LARS2: variants seen among roughly 807,000 people sequenced by gnomAD.
LARS2 encodes the protein leucine--tRNA ligase, mitochondrial.
In LARS2, 81 loss-of-function variants were observed where a neutral mutation model predicts 116.6. That is an observed-to-expected ratio of 0.69 (90% CI 0.58 to 0.84). The LOEUF (loss-of-function observed/expected upper bound fraction) is 0.84, where lower values mean the gene tolerates loss of function less well. LARS2 is among the 40% of genes least tolerant of loss of function. The pLI is 0.00. For missense variants in LARS2, 968 were observed against 1,114.5 expected, an observed-to-expected ratio of 0.87 and a Z score of 1.87; for synonymous variants, 396 against 407.2, an observed-to-expected ratio of 0.97 and a Z score of 0.33.
intron 15 of LARS2, among the ~76,000 whole-genome samples, chr3:45,512,061 C>T (rs537950928): frequency 3.9e-5 from 6 of 152,238 alleles, no homozygotes; most frequent in Admixed American, 3.9e-4. Flanking sequence ...AAGCGTGAGC[C>T]ACCGCGCCTG....
chr3:45,511,903 G>C (rs574794149), intron 15 of LARS2, among the ~76,000 whole-genome samples: 3 of 148,548 alleles, frequency 2.0e-5, no homozygotes, highest in Non-Finnish European at 4.4e-5. Flanking sequence ...AGCCTCCCAA[G>C]CAGCGGGGAC....
At chr3:45,453,414 G>A (rs887299810) in intron 7 of LARS2, among the ~76,000 whole-genome samples, 34 of 152,192 alleles carry the variant, frequency 2.2e-4, no homozygotes, top group African/African-American at 8.0e-4. Flanking sequence ...GAATGAGGGC[G>A]AGTCCCCTAA....
intron 6 of LARS2, among the ~76,000 whole-genome samples, chr3:45,438,001 G>T (rs1317356808): frequency 6.6e-6 from 1 of 152,128 alleles, no homozygotes; most frequent in Non-Finnish European, 1.5e-5. Context: ...AGGTTAAGGG[G>T]AGAGCAGGAG....
intron 4 of LARS2, among the ~76,000 whole-genome samples, chr3:45,413,631 T>G (rs1345008237): frequency 1.3e-5 from 2 of 152,152 alleles, no homozygotes; most frequent in Non-Finnish European, 2.9e-5. Flanking sequence ...GCCAAAGGAG[T>G]AAGAGCAGCT....
At chr3:45,469,435 T>C (rs1699484359) in intron 8 of LARS2, among the ~76,000 whole-genome samples, 1 of 152,082 alleles carries the variant, frequency 6.6e-6, no homozygotes, top group South Asian at 2.1e-4. Context: ...AACCTCCGCC[T>C]CCTGGGTTCA....
At chr3:45,450,410 C>T (rs1385646083) in intron 7 of LARS2, among the ~76,000 whole-genome samples, 1 of 152,072 alleles carries the variant, frequency 6.6e-6, no homozygotes, top group African/African-American at 2.4e-5. Context: ...CCTTCCTTTC[C>T]CAGCCCCAGC....
chr3:45,403,051 G>A (rs1233599932), intron 4 of LARS2, among the ~76,000 whole-genome samples: 1 of 137,376 alleles, frequency 7.3e-6, no homozygotes, highest in African/African-American at 2.7e-5. Context: ...GTTGCAGTGA[G>A]CCAAGATCAT....
chr3:45,474,228 CT>C lies in LARS2; in HGVS notation c.751-12del. 1 of 1,546,500 alleles carries C rather than the reference CT, an allele frequency of 6.5e-7. No homozygotes were observed. The highest frequency in any genetic ancestry group is 8.9e-7 in the Non-Finnish European group (1 of 1,126,102). Reference sequence around the variant, plus strand: ...CTTGTGCCTCTACTTCTTTGTTCTCCTTTCATTTGCACAGGCCATGCAGGAC... The same window carrying C: ...CTTGTGCCTCTACTTCTTTGTTCTCCTTCATTTGCACAGGCCATGCAGGAC... On this transcript the variant is annotated splice_polypyrimidine_tract_variant and intron_variant, in intron 8 of 21. Coordinates refer to ENST00000645846, the MANE Select transcript of LARS2 (RefSeq NM_015340.4).
At chr3:45,497,278 G>A (rs766895596) in intron 14 of LARS2, among the ~76,000 whole-genome samples, 25 of 152,032 alleles carry the variant, frequency 1.6e-4, no homozygotes, top group Admixed American at 5.9e-4. Context: ...CTGTATTCAT[G>A]TGTTTATTTG....
intron 10 of LARS2, among the ~76,000 whole-genome samples, chr3:45,483,101 C>T (rs1455911535): frequency 6.6e-6 from 1 of 152,206 alleles, no homozygotes; most frequent in African/African-American, 2.4e-5. Context: ...ACTCAACATT[C>T]TATTGCTGAG....
intron 4 of LARS2, among the ~76,000 whole-genome samples, chr3:45,414,971 C>G (rs1698390707): frequency 6.6e-6 from 1 of 152,178 alleles, no homozygotes; most frequent in African/African-American, 2.4e-5. Context: ...TCTTTCCTGA[C>G]AGGGGCAGGG....
intron 10 of LARS2, among the ~76,000 whole-genome samples, chr3:45,482,257 A>G (rs764209205): frequency 6.6e-6 from 1 of 152,254 alleles, no homozygotes; most frequent in South Asian, 2.1e-4. Flanking sequence ...AGTCTTTCCC[A>G]TCATGTTGAA....
intron 3 of LARS2, among the ~76,000 whole-genome samples, chr3:45,398,576 A>C (rs1487540453): frequency 1.3e-5 from 2 of 152,212 alleles, no homozygotes; most frequent in Non-Finnish European, 2.9e-5. Context: ...ACGAAACAGA[A>C]TCAGTTACCC....
intron 8 of LARS2, among the ~76,000 whole-genome samples, chr3:45,463,622 T>C (rs1699371317): frequency 6.6e-6 from 1 of 152,076 alleles, no homozygotes; most frequent in Non-Finnish European, 1.5e-5. Flanking sequence ...TCTGAGCAGC[T>C]GAGCTGTTAA....
chr3:45,392,677 A>G (rs539405182), intron 2 of LARS2, among the ~76,000 whole-genome samples: 2 of 152,202 alleles, frequency 1.3e-5, no homozygotes, highest in Admixed American at 6.5e-5. Context: ...AGAACTGATA[A>G]TGTCAATGAC....
intron 6 of LARS2, among the ~76,000 whole-genome samples, chr3:45,430,138 AT>A (rs1394618706): frequency 2.1e-5 from 3 of 145,304 alleles, no homozygotes; most frequent in Non-Finnish European, 3.0e-5. Flanking sequence ...CGCCTGGCCA[AT>A]TTTTTTTGTA....
intron 6 of LARS2, among the ~76,000 whole-genome samples, chr3:45,427,366 C>A (rs1200498192): frequency 1.3e-5 from 2 of 152,162 alleles, no homozygotes; most frequent in Non-Finnish European, 2.9e-5. Flanking sequence ...AGATCTCTGG[C>A]CCCATCCTCA....
chr3:45,460,661 A>C (rs749665102), intron 8 of LARS2, among the ~76,000 whole-genome samples: 16 of 152,188 alleles, frequency 1.1e-4, no homozygotes, highest in Non-Finnish European at 2.2e-4. Context: ...GAAGAGGGAG[A>C]GTAAGACTCC....
intron 8 of LARS2, among the ~76,000 whole-genome samples, chr3:45,463,056 T>C (rs1699360078): frequency 6.6e-6 from 1 of 152,138 alleles, no homozygotes; most frequent in South Asian, 2.1e-4. Flanking sequence ...GTGGGCGGTG[T>C]CTTGTGGGCA....
Sources: allele counts gnomAD v4.1 joint callset (sites outside exome capture counted in the v4.1 genomes callset), GRCh38; gene constraint gnomAD v4.1.1; transcripts MANE v1.5; gene names NCBI Gene and HGNC (gene_info 2026-07-23, HGNC 2026-07-21).